The following SIPA1L1 variants were observed in gnomAD, a reference collection of about 807,000 sequenced individuals.
SIPA1L1 encodes the protein signal-induced proliferation-associated 1-like protein 1.
Under a neutral mutation model 162.7 loss-of-function variants are expected in SIPA1L1, and 26 were observed. That is an observed-to-expected ratio of 0.16 (90% CI 0.12 to 0.22). The LOEUF (loss-of-function observed/expected upper bound fraction) is 0.22. Among genes scored for constraint, SIPA1L1 ranks in the 10% least tolerant of loss-of-function variants. SIPA1L1 has a pLI of 1.00. For synonymous variants in SIPA1L1, 829 were observed against 837.4 expected (o/e 0.99, Z 0.17); for missense variants, 1,874 against 2,241.0 (o/e 0.84, Z 3.31).
intron 2 of SIPA1L1, among the ~76,000 whole-genome samples, chr14:71,508,685 G>A (rs990927316): frequency 2.0e-5 from 3 of 152,052 alleles, no homozygotes; most frequent in Non-Finnish European, 2.9e-5. Context: ...TTCTTTTTAT[G>A]CATATCATGT....
At chr14:71,373,741 C>T (rs1168650852) in intron 2 of SIPA1L1, among the ~76,000 whole-genome samples, 1 of 151,844 alleles carries the variant, frequency 6.6e-6, no homozygotes, top group East Asian at 1.9e-4. Flanking sequence ...CTTCTTCCTT[C>T]CTGATACCTT....
chr14:71,615,675 G>A (rs2038755454), intron 5 of SIPA1L1, among the ~76,000 whole-genome samples: 1 of 152,176 alleles, frequency 6.6e-6, no homozygotes, highest in Admixed American at 6.5e-5. Context: ...TTTTGCAGAT[G>A]TGCGTGGGAC....
chr14:71,410,586 G>A (rs758834309), intron 2 of SIPA1L1, among the ~76,000 whole-genome samples: 1 of 152,074 alleles, frequency 6.6e-6, no homozygotes, highest in Non-Finnish European at 1.5e-5. Context: ...ATCCCTGATC[G>A]GAAAACCTGA....
intron 2 of SIPA1L1, among the ~76,000 whole-genome samples, chr14:71,356,241 A>G (rs2037226138): frequency 6.6e-6 from 1 of 152,022 alleles, no homozygotes; most frequent in Non-Finnish European, 1.5e-5. Context: ...TTTAAATTCT[A>G]TATTGGGAAG....
At chr14:71,702,618 G>T (rs1211454962) in intron 15 of SIPA1L1, 113 bp downstream of exon 15, 2 of 894,270 alleles carry the variant, frequency 2.2e-6, no homozygotes, top group Non-Finnish European at 3.4e-6. Flanking sequence ...TAATAAATAT[G>T]AATTAGAATT....
chr14:71,492,528 A>G (rs1308192212), intron 2 of SIPA1L1, among the ~76,000 whole-genome samples: 1 of 152,220 alleles, frequency 6.6e-6, no homozygotes, highest in African/African-American at 2.4e-5. Flanking sequence ...TCATGTTAAT[A>G]TAAACTCTGG....
At chr14:71,585,853 AGTT>A (rs1207385580) in intron 4 of SIPA1L1, among the ~76,000 whole-genome samples, 1 of 152,212 alleles carries the variant, frequency 6.6e-6, no homozygotes, top group Non-Finnish European at 1.5e-5. Flanking sequence ...ATTTTGGTTC[AGTT>A]GTTCAATTTT....
chr14:71,567,982 A>G (rs1343352351), intron 4 of SIPA1L1, among the ~76,000 whole-genome samples: 2 of 152,226 alleles, frequency 1.3e-5, no homozygotes, highest in African/African-American at 4.8e-5. Flanking sequence ...CTAATGTATT[A>G]TAATTAGCGT....
intron 5 of SIPA1L1, among the ~76,000 whole-genome samples, chr14:71,608,530 A>C (rs2037796282): frequency 6.6e-6 from 1 of 152,186 alleles, no homozygotes; most frequent in South Asian, 2.1e-4. Context: ...TTGCATTAAT[A>C]TGCAACTTTT....
chr14:71,685,756 A>C (rs2046236577), intron 13 of SIPA1L1, 125 bp downstream of exon 13: 1 of 1,211,874 alleles, frequency 8.3e-7, no homozygotes, highest in Non-Finnish European at 1.1e-6. Flanking sequence ...ACTGAGGTGC[A>C]TACCGTAGTG....
chr14:71,365,180 G>A (rs1242252597), intron 2 of SIPA1L1, among the ~76,000 whole-genome samples: 1 of 151,574 alleles, frequency 6.6e-6, no homozygotes, highest in Non-Finnish European at 1.5e-5. Flanking sequence ...CACATGCCTG[G>A]CTAATTTATT....
At chr14:71,427,322 G>GT (rs1450864579) in intron 2 of SIPA1L1, among the ~76,000 whole-genome samples, 1 of 151,956 alleles carries the variant, frequency 6.6e-6, no homozygotes, top group Non-Finnish European at 1.5e-5. Context: ...TGATAGGTTT[G>GT]TTTGTTTGTT....
rs1348649621 is a variant in SIPA1L1, at chr14:71,562,937, G to C, written c.-302-24634G>C. Among the ~76,000 whole-genome samples the C allele has an allele frequency of 2.0e-5, 3 of 152,254 alleles. 1 individual carries two copies. In the East Asian group the frequency reaches 5.8e-4, roughly 29 times the overall value. Reference sequence around the variant, plus strand: ...CCCAAAGTGCTAGGATTACAGGCGTGGCCCCCTTTCTTGCTTTATTATTGT... The same window carrying C: ...CCCAAAGTGCTAGGATTACAGGCGTCGCCCCCTTTCTTGCTTTATTATTGT... On this transcript the variant is annotated intron_variant, in intron 4 of 23. Transcript: ENST00000381232.
chr14:71,374,274 A>C (rs969350205), intron 2 of SIPA1L1, among the ~76,000 whole-genome samples: 1 of 152,138 alleles, frequency 6.6e-6, no homozygotes, highest in Non-Finnish European at 1.5e-5. Context: ...AAATGCTTTT[A>C]TTGAACGATT....
At chr14:71,648,197 G>A (rs1034990675) in intron 7 of SIPA1L1, among the ~76,000 whole-genome samples, 13 of 152,254 alleles carry the variant, frequency 8.5e-5, no homozygotes, top group African/African-American at 3.1e-4. Context: ...GGCTGAGGAG[G>A]GAGAATCGCT....
intron 2 of SIPA1L1, among the ~76,000 whole-genome samples, chr14:71,505,478 T>A (rs2050591297): frequency 6.6e-6 from 1 of 151,900 alleles, no homozygotes; most frequent in Non-Finnish European, 1.5e-5. Flanking sequence ...GTCAATCTTG[T>A]TATCCCATGA....
intron 4 of SIPA1L1, among the ~76,000 whole-genome samples, chr14:71,585,931 T>A (rs890019932): frequency 6.6e-6 from 1 of 152,202 alleles, no homozygotes; most frequent in Non-Finnish European, 1.5e-5. Context: ...TCCTTTGATA[T>A]CCTCGGAAGC....
At chr14:71,529,507 C>G (rs1004794012) in intron 4 of SIPA1L1, 137 bp downstream of exon 4, 2 of 511,552 alleles carry the variant, frequency 3.9e-6, no homozygotes, top group Non-Finnish European at 3.5e-6. Context: ...GAGATGAAGT[C>G]GTTTGTCATC....
intron 2 of SIPA1L1, among the ~76,000 whole-genome samples, chr14:71,324,367 A>C (rs2033533232): frequency 2.6e-5 from 4 of 152,230 alleles, no homozygotes; most frequent in Admixed American, 1.3e-4. Flanking sequence ...ACAGGTGTCC[A>C]TATTTAATTG....
Sources: gnomAD v4.1 joint callset for allele counts (sites outside exome capture counted in the v4.1 genomes callset) on GRCh38, gnomAD v4.1.1 for gene constraint, MANE v1.5 for transcripts, NCBI Gene and HGNC (gene_info 2026-07-23, HGNC 2026-07-21) for gene names.